Variants in SERINC5 observed in about 807,000 individuals in gnomAD.
SERINC5 encodes chromosome 5 open reading frame 12.
A neutral mutation model predicts 63.1 loss-of-function variants in SERINC5; 41 were observed. The observed-to-expected ratio is 0.65, with a 90% confidence interval of 0.51 to 0.84. The LOEUF is 0.84. Ranked by LOEUF, SERINC5 falls within the 40% of genes least tolerant of loss-of-function variation. The pLI is 0.00. For synonymous variants in SERINC5, 222 were observed against 215.2 expected (o/e 1.03, Z -0.28); for missense variants, 523 against 573.0 (o/e 0.91, Z 0.89).
intron 2 of SERINC5, among the ~76,000 whole-genome samples, chr5:80,179,541 C>T (rs1012621762): frequency 6.6e-6 from 1 of 152,178 alleles, no homozygotes; most frequent in Non-Finnish European, 1.5e-5. Flanking sequence ...TGCCTCACTG[C>T]ACCTGTGCCA....
At chr5:80,220,724 T>C (rs1184246003) in intron 1 of SERINC5, among the ~76,000 whole-genome samples, 1 of 151,862 alleles carries the variant, frequency 6.6e-6, no homozygotes, top group Admixed American at 6.6e-5. Flanking sequence ...GAAAGGAATC[T>C]GAGGGCTCCA....
intron 1 of SERINC5, among the ~76,000 whole-genome samples, chr5:80,252,157 G>A (rs1752457589): frequency 6.9e-6 from 1 of 145,936 alleles, no homozygotes; most frequent in Non-Finnish European, 1.5e-5. Flanking sequence ...CACCTTCCAA[G>A]TTCAAGTGAT....
At chr5:80,122,213 A>ATATATATATATATATATATATAT (rs1554057292) in intron 11 of SERINC5, among the ~76,000 whole-genome samples, 13 of 107,368 alleles carry the variant, frequency 1.2e-4, no homozygotes, top group African/African-American at 4.8e-4. Flanking sequence ...ATATATATAT[A>ATATATATATATATATATATATAT]ATATGAGTTT....
At chr5:80,147,121 G>T in intron 10 of SERINC5, 124 bp downstream of exon 10, 3 of 865,324 alleles carry the variant, frequency 3.5e-6, no homozygotes, top group Non-Finnish European at 3.7e-6. Flanking sequence ...TAGTAAGTCA[G>T]CTTTAGAATA....
intron 11 of SERINC5, among the ~76,000 whole-genome samples, chr5:80,115,328 C>T (rs1385080692): frequency 1.3e-5 from 2 of 152,000 alleles, no homozygotes; most frequent in Non-Finnish European, 2.9e-5. Flanking sequence ...GGAACCAGAC[C>T]TATCATCCAA....
At chr5:80,190,659 A>G (rs1479800192) in intron 2 of SERINC5, among the ~76,000 whole-genome samples, 1 of 152,168 alleles carries the variant, frequency 6.6e-6, no homozygotes, top group Non-Finnish European at 1.5e-5. Flanking sequence ...CTTGATGGAT[A>G]TTTGAAGTAT....
At chr5:80,171,990 C>G (rs1409397715) in intron 5 of SERINC5, among the ~76,000 whole-genome samples, 3 of 152,062 alleles carry the variant, frequency 2.0e-5, no homozygotes, top group African/African-American at 7.2e-5. Context: ...ATATATGTAT[C>G]AAAACGTCAA....
chr5:80,189,809 G>T (rs6453508), intron 2 of SERINC5, among the ~76,000 whole-genome samples: 56,554 of 151,774 alleles, frequency 0.37, 11,477 homozygotes, highest in East Asian at 0.78. Flanking sequence ...ACTCCTAGAC[G>T]CAAGCCATCC....
At chr5:80,238,977 T>C (rs746096154) in intron 1 of SERINC5, among the ~76,000 whole-genome samples, 2 of 152,172 alleles carry the variant, frequency 1.3e-5, no homozygotes, top group African/African-American at 2.4e-5. Context: ...GTACTGGGCA[T>C]TGGAAAATAG....
At chr5:80,205,887 C>T (rs55751079) in intron 1 of SERINC5, among the ~76,000 whole-genome samples, 1 of 148,310 alleles carries the variant, frequency 6.7e-6, no homozygotes, top group African/African-American at 2.5e-5. Flanking sequence ...TCCTGGCCAA[C>T]ATGGTGAAAC....
chr5:80,178,892 A>G (rs1277519686), intron 2 of SERINC5, among the ~76,000 whole-genome samples: 1 of 152,184 alleles, frequency 6.6e-6, no homozygotes, highest in East Asian at 1.9e-4. Flanking sequence ...ATACATATAC[A>G]TACACAACAC....
At chr5:80,187,875 A>C (rs547977624) in intron 2 of SERINC5, among the ~76,000 whole-genome samples, 1 of 152,338 alleles carries the variant, frequency 6.6e-6, no homozygotes, top group African/African-American at 2.4e-5. Context: ...AATAAGCTCC[A>C]AAGGAGACAA....
intron 1 of SERINC5, among the ~76,000 whole-genome samples, chr5:80,219,340 A>C (rs914914024): frequency 2.0e-5 from 3 of 152,160 alleles, no homozygotes; most frequent in African/African-American, 4.8e-5. Context: ...CTGAGAAAAC[A>C]CTTTTTCTCA....
chr5:80,169,495 C>T lies in SERINC5; in HGVS notation c.603G>A (p.Val201=), dbSNP rs748682399. The T allele has an allele frequency of 7.4e-6, 12 of 1,613,920 alleles. No individual in the cohort carries two copies. The highest frequency in any genetic ancestry group is 1.0e-5 in the Non-Finnish European group (12 of 1,179,862). ...TGGCAATGGAATACATGATGAGCGT[C>T]ACCAGGGCCAGGGAGGCGTACCACA... ...NKLWYASLAL[V]TLIMYSIATG... is the part of the protein sequence containing the mutation. The change falls in exon 6 of 12, where the codon GTG becomes GTA. Residue 201 remains valine, a synonymous_variant. Transcript: ENST00000507668.
chr5:80,239,171 T>C (rs1297646183), intron 1 of SERINC5, among the ~76,000 whole-genome samples: 5 of 152,154 alleles, frequency 3.3e-5, no homozygotes, highest in Non-Finnish European at 5.9e-5. Context: ...CACAACCCCA[T>C]GGACAGCCCA....
intron 1 of SERINC5, among the ~76,000 whole-genome samples, chr5:80,228,760 A>G (rs1265033612): frequency 6.6e-6 from 1 of 152,154 alleles, no homozygotes; most frequent in Non-Finnish European, 1.5e-5. Flanking sequence ...CTAAATTCTC[A>G]TTCACTATCA....
rs1291668792 is a variant in SERINC5 at position 80,221,872 on chromosome 5, C to A, written c.28-18819G>T. On this transcript the variant is annotated intron_variant, in intron 1 of 11. Transcript: ENST00000507668. ...TTTGAGGATACCTTTAATGGCCAGA[C>A]ACGGTGGTTCACGCCTATAATCCCA... 2.6e-5 allele frequency among the ~76,000 whole-genome samples: 4 copies of A among 151,342 alleles called. No individual in the cohort carries two copies. The East Asian group carries it at 7.8e-4, about 30-fold the overall frequency.
At position 80,124,865 on chromosome 5, in the gene SERINC5, G is replaced by A. The variant is rs1427530678; in HGVS notation, c.1239-11240C>T. ...GTGCCCAACTCCCACCCAGGGTGGG[G>A]AGTAGTTGCAGGTAGTCTTGTTTAT... On this transcript the variant is annotated intron_variant, in intron 11 of 12. Coordinates refer to the SERINC5 transcript ENST00000509193. Among the ~76,000 whole-genome samples the A allele has an allele frequency of 2.0e-5, 3 of 152,124 alleles. No homozygotes were observed. In the East Asian group the frequency reaches 5.8e-4, roughly 29 times the overall value.
intron 9 of SERINC5, among the ~76,000 whole-genome samples, chr5:80,150,015 A>C (rs1440238565): frequency 1.3e-5 from 2 of 152,214 alleles, no homozygotes; most frequent in Admixed American, 6.5e-5. Context: ...GCAGGCAACC[A>C]ATGTATGTAT....
Sources: gnomAD v4.1 joint callset for allele counts (sites outside exome capture counted in the v4.1 genomes callset) on GRCh38, gnomAD v4.1.1 for gene constraint, MANE v1.5 for transcripts, NCBI Gene and HGNC (gene_info 2026-07-23, HGNC 2026-07-21) for gene names.